The following ZFAND3 variants were observed in gnomAD, a reference collection of about 807,000 sequenced individuals.
The protein encoded by ZFAND3 is zinc finger AN1-type containing 3.
ZFAND3 carries 10 observed loss-of-function variants against 29.6 expected under a neutral mutation model. The observed-to-expected ratio is 0.34, with a 90% confidence interval of 0.21 to 0.57. The LOEUF is 0.57. Among genes scored for constraint, ZFAND3 ranks in the 20% least tolerant of loss-of-function variants. ZFAND3 has a pLI of 0.86. For synonymous variants in ZFAND3, 128 were observed against 112.6 expected, an observed-to-expected ratio of 1.14 and a Z score of -0.87; for missense variants, 230 against 304.5, an observed-to-expected ratio of 0.76 and a Z score of 1.82.
chr6:38,052,502 A>G (rs1331305868), intron 2 of ZFAND3, among the ~76,000 whole-genome samples: 1 of 152,176 alleles, frequency 6.6e-6, no homozygotes, highest in Non-Finnish European at 1.5e-5. Flanking sequence ...TCAGTATCCA[A>G]TACGCTAAAT....
At chr6:38,045,101 T>TTG (rs1561978689) in intron 2 of ZFAND3, among the ~76,000 whole-genome samples, 4 of 146,074 alleles carry the variant, frequency 2.7e-5, no homozygotes, top group African/African-American at 1.0e-4. Context: ...TTTATTTATT[T>TTG]ATTGAGATGG....
intron 5 of ZFAND3, among the ~76,000 whole-genome samples, chr6:38,141,493 C>T (rs1424253113): frequency 1.3e-5 from 2 of 152,204 alleles, no homozygotes; most frequent in African/African-American, 4.8e-5. Flanking sequence ...TTCCAGGCTG[C>T]ACTATATAGT....
chr6:38,035,553 C>T lies in ZFAND3; in HGVS notation c.113-26040C>T, dbSNP rs141882308. On this transcript the variant is annotated intron_variant, in intron 2 of 5. Transcript: ENST00000287218. ...AATATTGTTTATATTTAGACACTGA[C>T]GAAATAGTAAACTTAGGTTGCTTAA... Among the ~76,000 whole-genome samples the T allele has an allele frequency of 4.9e-3, 749 of 152,238 alleles. 8 individuals are homozygous for T. Among genetic ancestry groups the T allele is most frequent in the African/African-American group, 0.017 (710 of 41,546 alleles).
rs140279016 is a variant in ZFAND3, at chr6:38,135,376, C to T, written c.530-16859C>T. On this transcript the variant is annotated intron_variant, in intron 5 of 5. Transcript: ENST00000287218. ...TAACTGGCTTCTCTAAGAAATTTCT[C>T]ACCTTTCTACATCTCCGTGTTTTGT... 8.5e-5 allele frequency among the ~76,000 whole-genome samples: 13 copies of T among 152,356 alleles called. No individual in the cohort carries two copies. The East Asian group carries it at 2.5e-3, about 29-fold the overall frequency.
At chr6:37,876,636 A>G (rs1012593439) in intron 1 of ZFAND3, among the ~76,000 whole-genome samples, 1 of 152,352 alleles carries the variant, frequency 6.6e-6, no homozygotes, top group African/African-American at 2.4e-5. Flanking sequence ...TCAGTCTTTC[A>G]TATCAATTCG....
At chr6:37,929,661 A>G (rs556918715) in intron 1 of ZFAND3, among the ~76,000 whole-genome samples, 2 of 152,292 alleles carry the variant, frequency 1.3e-5, no homozygotes, top group Non-Finnish European at 2.9e-5. Flanking sequence ...ATGTTTCTGA[A>G]CTTGCTGCTA....
At chr6:38,065,680 G>A (rs1764332703) in intron 3 of ZFAND3, among the ~76,000 whole-genome samples, 3 of 152,214 alleles carry the variant, frequency 2.0e-5, no homozygotes, top group African/African-American at 7.2e-5. Context: ...TTGCAAGGCA[G>A]TGAAGCCCAT....
intron 1 of ZFAND3, among the ~76,000 whole-genome samples, chr6:37,888,615 A>G (rs1307503434): frequency 6.6e-6 from 1 of 152,092 alleles, no homozygotes; most frequent in Admixed American, 6.5e-5. Flanking sequence ...CCGAAATCCC[A>G]TTTTCCAGAT....
intron 2 of ZFAND3, among the ~76,000 whole-genome samples, chr6:38,026,686 C>T (rs1259223129): frequency 1.3e-5 from 2 of 152,196 alleles, no homozygotes; most frequent in East Asian, 1.9e-4. Flanking sequence ...CCACCTTGGC[C>T]TCCCAAAGTG....
intron 1 of ZFAND3, among the ~76,000 whole-genome samples, chr6:37,849,382 C>CT (rs1764241472): frequency 6.6e-6 from 1 of 152,026 alleles, no homozygotes; most frequent in African/African-American, 2.4e-5. Flanking sequence ...ATAGTTTGTG[C>CT]TTGTGCCATT....
chr6:37,912,260 T>A (rs1290213469), intron 1 of ZFAND3, among the ~76,000 whole-genome samples: 1 of 152,102 alleles, frequency 6.6e-6, no homozygotes, highest in Non-Finnish European at 1.5e-5. Context: ...CAGTGCTTTT[T>A]AATACTTCCG....
intron 2 of ZFAND3, among the ~76,000 whole-genome samples, chr6:37,973,463 G>A (rs969943407): frequency 6.6e-6 from 1 of 152,186 alleles, no homozygotes; most frequent in Non-Finnish European, 1.5e-5. Context: ...ACTGTCTGAT[G>A]CAACTTTTTG....
At chr6:37,959,878 A>G (rs1762163514) in intron 2 of ZFAND3, among the ~76,000 whole-genome samples, 1 of 152,232 alleles carries the variant, frequency 6.6e-6, no homozygotes, top group African/African-American at 2.4e-5. Context: ...AAACTTGAGA[A>G]GGCGAAATCT....
chr6:38,029,071 A>G (rs1447419816), intron 2 of ZFAND3, among the ~76,000 whole-genome samples: 1 of 152,206 alleles, frequency 6.6e-6, no homozygotes, highest in Non-Finnish European at 1.5e-5. Context: ...CCAAATATTC[A>G]GTCTTGGGCA....
chr6:37,899,239 A>T (rs1297015741), intron 1 of ZFAND3, among the ~76,000 whole-genome samples: 1 of 152,074 alleles, frequency 6.6e-6, no homozygotes, highest in Non-Finnish European at 1.5e-5. Context: ...TCTTTTGATG[A>T]TGTTGGCACC....
chr6:37,855,656 T>C (rs1185980243), intron 1 of ZFAND3, among the ~76,000 whole-genome samples: 1 of 152,150 alleles, frequency 6.6e-6, no homozygotes, highest in Admixed American at 6.5e-5. Context: ...GAGTGAGTAC[T>C]CTCTCTAGTA....
chr6:37,915,173 T>A (rs1210130845), intron 1 of ZFAND3, among the ~76,000 whole-genome samples: 1 of 152,222 alleles, frequency 6.6e-6, no homozygotes. Flanking sequence ...TTCACACTTC[T>A]CTTATGCAGC....
chr6:38,105,266 G>A (rs1255941719), intron 4 of ZFAND3, among the ~76,000 whole-genome samples: 4 of 152,114 alleles, frequency 2.6e-5, no homozygotes, highest in African/African-American at 7.2e-5. Context: ...ACAAGTCCAG[G>A]CATGGTGGGT....
intron 2 of ZFAND3, among the ~76,000 whole-genome samples, chr6:38,014,983 A>G (rs1763229189): frequency 6.6e-6 from 1 of 152,220 alleles, no homozygotes; most frequent in South Asian, 2.1e-4. Context: ...AGATCGTTTA[A>G]TTTTAACCTC....
Sources: gnomAD v4.1 joint callset for allele counts (sites outside exome capture counted in the v4.1 genomes callset) on GRCh38, gnomAD v4.1.1 for gene constraint, MANE v1.5 for transcripts, NCBI Gene and HGNC (gene_info 2026-07-23, HGNC 2026-07-21) for gene names.